LINGO2: variants seen among roughly 807,000 people sequenced by gnomAD.
The protein encoded by LINGO2 is leucine rich repeat and Ig domain containing 2, also known as leucine-rich repeat and immunoglobulin-like domain-containing nogo receptor-interacting protein 2.
In LINGO2, 14 loss-of-function variants were observed where a neutral mutation model predicts 30.6. The observed-to-expected ratio is 0.46, with a 90% CI of 0.30 to 0.72. LINGO2 has a LOEUF of 0.72. Among genes scored for constraint, LINGO2 ranks in the 30% least tolerant of loss-of-function variants. The pLI is 0.07. For synonymous variants in LINGO2, 317 were observed against 288.5 expected, an observed-to-expected ratio of 1.10 and a Z score of -1.00; for missense variants, 729 against 751.7, an observed-to-expected ratio of 0.97 and a Z score of 0.35.
At chr9:28,019,270 A>AGT (rs1822992933) in intron 4 of LINGO2, among the ~76,000 whole-genome samples, 1 of 145,748 alleles carries the variant, frequency 6.9e-6, no homozygotes, top group Non-Finnish European at 1.5e-5. Context: ...TGAACCTAAA[A>AGT]CTTAAAAAAA....
chr9:29,064,715 T>A, the LINGO2 span, among the ~76,000 whole-genome samples: 1 of 152,028 alleles, frequency 6.6e-6, no homozygotes, highest in African/African-American at 2.4e-5. Flanking sequence ...TTTCAGGGTA[T>A]TTTTCAGCAA....
intron 4 of LINGO2, among the ~76,000 whole-genome samples, chr9:28,255,613 T>C (rs1214533871): frequency 6.6e-6 from 1 of 152,112 alleles, no homozygotes; most frequent in Non-Finnish European, 1.5e-5. Context: ...CTATTCAAGA[T>C]ATAACTCACA....
At position 28,191,216 on chromosome 9, in the gene LINGO2, A is replaced by G. The variant is rs760841678; in HGVS notation, c.-87+103992T>C. ...ACAAGAAACATTTTTGTGTAAAAATAAATGAATAAAATAACTTCGCTTCAC... is the reference window on the plus strand; with the variant it reads ...ACAAGAAACATTTTTGTGTAAAAATGAATGAATAAAATAACTTCGCTTCAC... On this transcript the variant is annotated intron_variant, in intron 4 of 5. Transcript: ENST00000379992. 5.6e-4 allele frequency among the ~76,000 whole-genome samples: 85 copies of G among 152,368 alleles called. 1 individual carries two copies. In the Middle Eastern group the frequency reaches 0.014, roughly 24 times the overall value.
intron 1 of LINGO2, among the ~76,000 whole-genome samples, chr9:28,614,779 T>TTA (rs1826065675): frequency 6.6e-6 from 1 of 152,146 alleles, no homozygotes; most frequent in Non-Finnish European, 1.5e-5. Context: ...GCTTCTCATA[T>TTA]TATAACCTTA....
chr9:28,427,169 G>A (rs944575060), intron 2 of LINGO2, among the ~76,000 whole-genome samples: 2 of 152,170 alleles, frequency 1.3e-5, no homozygotes, highest in South Asian at 2.1e-4. Context: ...CATTAGGTTA[G>A]ATGCTGCAAG....
chr9:28,261,662 A>G (rs1235293455), intron 4 of LINGO2, among the ~76,000 whole-genome samples: 1 of 151,922 alleles, frequency 6.6e-6, no homozygotes. Flanking sequence ...GTACATTCCT[A>G]TAATTCTTTG....
chr9:28,062,155 A>T (rs564969430), intron 4 of LINGO2, among the ~76,000 whole-genome samples: 1 of 152,210 alleles, frequency 6.6e-6, no homozygotes, highest in East Asian at 1.9e-4. Flanking sequence ...AAAAGGAGCT[A>T]GGGAAGCGGT....
intron 4 of LINGO2, among the ~76,000 whole-genome samples, chr9:28,244,820 A>G (rs1242789618): frequency 1.7e-4 from 1 of 5,768 alleles, no homozygotes; most frequent in Non-Finnish European, 2.9e-4. Flanking sequence ...TATGCCAACC[A>G]AAAAAAAAAA....
intron 1 of LINGO2, among the ~76,000 whole-genome samples, chr9:28,594,329 G>A (rs1289597888): frequency 1.3e-5 from 2 of 151,882 alleles, no homozygotes; most frequent in East Asian, 1.9e-4. Flanking sequence ...ATTTTATTTT[G>A]CCAAAATTAT....
At chr9:28,531,777 G>C (rs1312349295) in intron 1 of LINGO2, among the ~76,000 whole-genome samples, 1 of 151,930 alleles carries the variant, frequency 6.6e-6, no homozygotes, top group African/African-American at 2.4e-5. Flanking sequence ...TGAAATGGGG[G>C]CCAGTATAAG....
chr9:29,166,061 A>G, the LINGO2 span, among the ~76,000 whole-genome samples: 1 of 152,152 alleles, frequency 6.6e-6, no homozygotes, highest in Non-Finnish European at 1.5e-5. Context: ...AATTTATTTC[A>G]TCATTGCTCT....
chr9:29,159,033 C>G, the LINGO2 span, among the ~76,000 whole-genome samples: 627 of 152,272 alleles, frequency 4.1e-3, 3 homozygotes, highest in African/African-American at 0.015. Flanking sequence ...CAAATCATCA[C>G]ATGGGCTTGT....
intron 3 of LINGO2, among the ~76,000 whole-genome samples, chr9:28,348,286 T>A (rs1819673565): frequency 6.6e-6 from 1 of 151,980 alleles, no homozygotes; most frequent in South Asian, 2.1e-4. Flanking sequence ...GGTCAGTGGG[T>A]GTGTGCACCG....
Position 28,020,872 on chromosome 9 carries a change from GTAATGACCCCTCTCTCTC to G in LINGO2, c.-86-8485_-86-8468del, listed in dbSNP as rs796838562. On this transcript the variant is annotated intron_variant, in intron 4 of 5. Transcript: ENST00000379992. ...CATTTAAACCTCCTTGGAATCTATA[GTAATGACCCCTCTCTCTC>G]ATTTCTGATATTGGTAATTTGTGGC... Among the ~76,000 whole-genome samples, 84 of 152,178 alleles carry G rather than the reference GTAATGACCCCTCTCTCTC, an allele frequency of 5.5e-4. 1 individual carries two copies. The highest frequency in any genetic ancestry group is 1.9e-3 in the African/African-American group (79 of 41,540).
intron 1 of LINGO2, among the ~76,000 whole-genome samples, chr9:28,556,072 C>G (rs1822667653): frequency 1.3e-5 from 2 of 152,000 alleles, no homozygotes; most frequent in South Asian, 2.1e-4. Flanking sequence ...AGCATTCCCT[C>G]TGAAAATGGG....
chr9:28,185,069 A>G (rs1041302514), intron 4 of LINGO2, among the ~76,000 whole-genome samples: 1 of 152,222 alleles, frequency 6.6e-6, no homozygotes, highest in African/African-American at 2.4e-5. Flanking sequence ...AGGCCCAGCT[A>G]CACTGAAATT....
At chr9:28,195,638 T>C (rs2133794993) in intron 4 of LINGO2, among the ~76,000 whole-genome samples, 1 of 151,526 alleles carries the variant, frequency 6.6e-6, no homozygotes, top group East Asian at 1.9e-4. Flanking sequence ...GAAAATAATA[T>C]TACCAGAACA....
chr9:29,085,516 G>T, the LINGO2 span, among the ~76,000 whole-genome samples: 2 of 151,828 alleles, frequency 1.3e-5, no homozygotes, highest in African/African-American at 2.4e-5. Context: ...AAAAATCAAA[G>T]ACCAAAGAAG....
chr9:29,055,942 A>ATATATATATATGTG, the LINGO2 span, among the ~76,000 whole-genome samples: 79 of 148,922 alleles, frequency 5.3e-4, 1 homozygote, highest in African/African-American at 1.8e-3. Context: ...GTGTGTGTGT[A>ATATATATATATGTG]TATATACATA....
Sources: gnomAD v4.1 joint callset for allele counts (sites outside exome capture counted in the v4.1 genomes callset) on GRCh38, gnomAD v4.1.1 for gene constraint, MANE v1.5 for transcripts, NCBI Gene and HGNC (gene_info 2026-07-23, HGNC 2026-07-21) for gene names.